COL6A2: variants seen among roughly 807,000 people sequenced by gnomAD.
The protein encoded by COL6A2 is collagen type VI alpha 2 chain.
A neutral mutation model predicts 124.9 loss-of-function variants in COL6A2; 90 were observed. That is an observed-to-expected ratio of 0.72 (90% CI 0.61 to 0.86). COL6A2 has a LOEUF of 0.86. Among genes scored for constraint, COL6A2 ranks in the 40% least tolerant of loss-of-function variants. The probability of loss-of-function intolerance (pLI) is 0.00; values close to 1 mark genes in which losing one functional copy is unlikely to be tolerated. For missense variants in COL6A2, 1,607 were observed against 1,502.5 expected, an observed-to-expected ratio of 1.07 and a Z score of -1.15; for synonymous variants, 793 against 618.2, an observed-to-expected ratio of 1.28 and a Z score of -4.19.
rs1406299341 is a variant in COL6A2 at position 46,117,857 on chromosome 21, T to A, written c.1054-17T>A. ...CACCCGCCGTGTGCCGAGCTCCACC[T>A]CTCACTCCTCTCTCAGGGCCCCGAC... On this transcript the variant is annotated splice_polypyrimidine_tract_variant and intron_variant, in intron 11 of 27. Transcript: ENST00000300527. 6.2e-7 allele frequency: 1 copy of A among 1,607,126 alleles called. No homozygotes were observed.
Position 46,112,115 on chromosome 21 carries a change from G to A in COL6A2, c.252G>A (p.Glu84=), listed in dbSNP as rs113046045. The change falls in exon 3 of 28, where the codon GAG becomes GAA. Residue 84 remains glutamate, a synonymous_variant. Transcript: ENST00000300527. ...VPQFISQLQN[E]FYLDQVALSW... Reference sequence around the variant, plus strand: ...AGTTCATCAGCCAGCTGCAGAACGAGTTCTACCTGGACCAGGTGGCGCTGA... The same window carrying A: ...AGTTCATCAGCCAGCTGCAGAACGAATTCTACCTGGACCAGGTGGCGCTGA... The A allele has an allele frequency of 6.2e-7, 1 of 1,613,232 alleles. No individual in the cohort carries two copies. Among genetic ancestry groups the A allele is most frequent in the Non-Finnish European group, 8.5e-7 (1 of 1,180,046 alleles).
chr21:46,113,968 C>G (rs1184555310), intron 4 of COL6A2, 40 bp from the exon 5 acceptor site: 1 of 1,566,708 alleles, frequency 6.4e-7, no homozygotes, highest in Non-Finnish European at 8.8e-7. Context: ...TGAGGAATGT[C>G]CCACCCATGC....
chr21:46,131,004 C>G (rs1393702227), intron 27 of COL6A2, among the ~76,000 whole-genome samples: 2 of 152,226 alleles, frequency 1.3e-5, no homozygotes, highest in Non-Finnish European at 2.9e-5. Context: ...GACCGTTGCA[C>G]CTCCAGGGCC....
Position 46,112,882 on chromosome 21 carries a change from C to T in COL6A2, c.735+58C>T, listed in dbSNP as rs1229886310. Reference sequence around the variant, plus strand: ...CCGGCAGCTGACCCAGCAGAGATGACCGCGCCAGGCTGCCGACTCCTGGCG... The same window carrying T: ...CCGGCAGCTGACCCAGCAGAGATGATCGCGCCAGGCTGCCGACTCCTGGCG... On this transcript the variant is annotated intron_variant, in intron 4 of 27. Coordinates refer to ENST00000300527, the MANE Select transcript of COL6A2 (RefSeq NM_001849.4). 3.7e-6 allele frequency: 6 copies of T among 1,610,056 alleles called. No homozygotes were observed. In the East Asian group the frequency reaches 8.9e-5, roughly 24 times the overall value.
intron 27 of COL6A2, among the ~76,000 whole-genome samples, chr21:46,127,730 G>A (rs1184693533): frequency 6.6e-6 from 1 of 152,130 alleles, no homozygotes; most frequent in Non-Finnish European, 1.5e-5. Flanking sequence ...ATCAGGTGGG[G>A]GGCCTTCCTC....
Position 46,119,922 on chromosome 21 carries a change from C to A in COL6A2, c.1332+72C>A, listed in dbSNP as rs1286185387. On this transcript the variant is annotated intron_variant, in intron 15 of 27. Coordinates refer to ENST00000300527, the MANE Select transcript of COL6A2 (RefSeq NM_001849.4). ...TGGGCCCTGCTGACGAGGGCCCCAACCCCATTCCTCCCAGAGAACAACAGA... is the reference window on the plus strand; with the variant it reads ...TGGGCCCTGCTGACGAGGGCCCCAAACCCATTCCTCCCAGAGAACAACAGA... The A allele has an allele frequency of 2.3e-6, 3 of 1,319,182 alleles. No individual in the cohort carries two copies. The African/African-American group carries it at 4.4e-5, about 19-fold the overall frequency. 81.7% of individuals were successfully genotyped at this position (1,319,182 alleles called of 1,614,324 possible). A position where few individuals can be genotyped will look rare whatever the true frequency, so the allele number is the denominator to read the frequency against.
At chr21:46,119,501 C>T (rs1249286241) in intron 14 of COL6A2, among the ~76,000 whole-genome samples, 1 of 152,222 alleles carries the variant, frequency 6.6e-6, no homozygotes, top group African/African-American at 2.4e-5. Flanking sequence ...CAGCCCATCA[C>T]CTAAAACGCC....
In COL6A2 at chr21:46,132,655, G is replaced by A. The variant is rs764185977; in HGVS notation, c.*103G>A. ...GGCCAGCACCGCTGCTCACTCGGAC[G>A]ACGCCCTGGGCCTGCACCTCTCCAG... On this transcript the variant is annotated 3_prime_UTR_variant, in exon 28 of 28. Transcript: ENST00000300527. 9.2e-5 allele frequency: 110 copies of A among 1,195,346 alleles called. 1 individual carries two copies. The highest frequency in any genetic ancestry group is 1.6e-4 in the South Asian group (12 of 76,436). 74.0% of individuals were successfully genotyped at this position (1,195,346 alleles called of 1,614,324 possible).
chr21:46,104,464 A>G (rs896741365), intron 1 of COL6A2, among the ~76,000 whole-genome samples: 1 of 152,234 alleles, frequency 6.6e-6, no homozygotes, highest in Non-Finnish European at 1.5e-5. Flanking sequence ...TTGAAGATAC[A>G]AAAATGGAAA....
chr21:46,124,210 C>CTGGG (rs2078621994), intron 21 of COL6A2, among the ~76,000 whole-genome samples: 1 of 140,886 alleles, frequency 7.1e-6, no homozygotes, highest in Non-Finnish European at 1.6e-5. Context: ...TAGTGGGTGG[C>CTGGG]TGGGTGGATG....
intron 21 of COL6A2, 112 bp from the exon 22 acceptor site, chr21:46,124,539 C>CT: frequency 1.8e-6 from 1 of 549,008 alleles, no homozygotes; most frequent in Non-Finnish European, 2.8e-6. Flanking sequence ...ACCTGTTAGC[C>CT]CCCCCCCCCG....
chr21:46,112,889 A>G, intron 4 of COL6A2, 65 bp downstream of exon 4: 3 of 1,607,072 alleles, frequency 1.9e-6, no homozygotes, highest in Non-Finnish European at 8.5e-7. Context: ...TGACCGCGCC[A>G]GGCTGCCGAC....
intron 27 of COL6A2, chr21:46,129,618 T>G: frequency 7.0e-7 from 1 of 1,430,786 alleles, no homozygotes; most frequent in Non-Finnish European, 9.1e-7. Context: ...GCTACAGTCC[T>G]TCCAGGGGCT....
At chr21:46,117,584 C>A in intron 11 of COL6A2, 131 bp downstream of exon 11, 1 of 958,868 alleles carries the variant, frequency 1.0e-6, no homozygotes, top group Non-Finnish European at 1.6e-6. Flanking sequence ...AGCCCAGCAG[C>A]CCCAGCCCAG....
At chr21:46,126,450 G>A (rs1465265818) in intron 26 of COL6A2, 53 bp from the exon 27 acceptor site, 1 of 1,605,390 alleles carries the variant, frequency 6.2e-7, no homozygotes, top group Non-Finnish European at 8.5e-7. Flanking sequence ...CGGCCGCTGA[G>A]GGTTCGCTAG....
rs1245234794 is a variant in COL6A2 at position 46,132,775 on chromosome 21, C to T, written c.*223C>T. 1 of 591,952 alleles carries T rather than the reference C, an allele frequency of 1.7e-6. No individual in the cohort carries two copies. The highest frequency in any genetic ancestry group is 3.0e-6 in the Non-Finnish European group (1 of 332,112). 36.7% of individuals were successfully genotyped at this position (591,952 alleles called of 1,614,324 possible). A position where few individuals can be genotyped will look rare whatever the true frequency, so the allele number is the denominator to read the frequency against. ...TGCCCGGCCTCCCTCCCCCTGCAGC[C>T]ATCCCAAGGCTCCTGACCTACCTGG... On this transcript the variant is annotated 3_prime_UTR_variant, in exon 28 of 28. Transcript: ENST00000300527.
rs1186815322 is a variant in COL6A2, at chr21:46,118,551, G to A, written c.1117-63G>A. 2.0e-5 allele frequency: 31 copies of A among 1,525,126 alleles called. 1 individual carries two copies. The highest frequency in any genetic ancestry group is 1.8e-4 in the South Asian group (16 of 87,180). The allele number at this position is 1,525,126 out of a possible 1,614,324, so 94.5% of individuals were successfully genotyped here. On this transcript the variant is annotated intron_variant, in intron 12 of 27. Coordinates refer to ENST00000300527, the MANE Select transcript of COL6A2 (RefSeq NM_001849.4). ...CGACCGTGGGTCCTGCCCCCGCAGC[G>A]GGCATCCTGCACCCCCCTTCCCCTG...
At position 46,125,601 on chromosome 21, in the gene COL6A2, C is replaced by T. The variant is rs971275199; in HGVS notation, c.1953C>T (p.Asp651=). 3.7e-6 allele frequency: 6 copies of T among 1,612,624 alleles called. No homozygotes were observed. In the South Asian group the frequency reaches 4.4e-5, roughly 12 times the overall value. ...VVNRLGAIAK[D]PKSETGTRVG... is the part of the protein sequence containing the mutation. ...ACAGGCTGGGTGCCATCGCTAAGGACCCCAAGTCCGAGACAGGTCAGCGGG... is the reference window on the plus strand; with the variant it reads ...ACAGGCTGGGTGCCATCGCTAAGGATCCCAAGTCCGAGACAGGTCAGCGGG... Residue 651 remains aspartate, a synonymous_variant, in exon 25 of 28, where the codon GAC becomes GAT. Transcript: ENST00000300527.
At chr21:46,131,746 G>A (rs1285941093) in intron 27 of COL6A2, among the ~76,000 whole-genome samples, 2 of 152,218 alleles carry the variant, frequency 1.3e-5, no homozygotes, top group Admixed American at 6.5e-5. Context: ...ACCAGCAGAG[G>A]AGATGGCGGC....
Sources: gnomAD v4.1 joint callset for allele counts (sites outside exome capture counted in the v4.1 genomes callset) on GRCh38, gnomAD v4.1.1 for gene constraint, MANE v1.5 for transcripts, NCBI Gene and HGNC (gene_info 2026-07-23, HGNC 2026-07-21) for gene names.